RPS6KC1: variants seen among roughly 807,000 people sequenced by gnomAD.
RPS6KC1 encodes the protein ribosomal protein S6 kinase C1, also known as inactive ribosomal protein S6 kinase delta-1.
A neutral mutation model predicts 103.8 loss-of-function variants in RPS6KC1; 54 were observed. That is an observed-to-expected ratio of 0.52 (90% CI 0.42 to 0.65). RPS6KC1 has a LOEUF of 0.65. Among genes scored for constraint, RPS6KC1 ranks in the 30% least tolerant of loss-of-function variants. The pLI is 0.00. For missense variants in RPS6KC1, 1,151 were observed against 1,253.8 expected, an observed-to-expected ratio of 0.92 and a Z score of 1.24; for synonymous variants, 439 against 438.7, an observed-to-expected ratio of 1.00 and a Z score of -0.01.
chr1:213,069,470 A>G (rs545893281), intron 1 of RPS6KC1, among the ~76,000 whole-genome samples: 1 of 152,170 alleles, frequency 6.6e-6, no homozygotes, highest in East Asian at 1.9e-4. Context: ...CGTTTTATCG[A>G]TGAGATCAAA....
intron 8 of RPS6KC1, among the ~76,000 whole-genome samples, chr1:213,197,638 G>T (rs2093002119): frequency 6.6e-6 from 1 of 151,980 alleles, no homozygotes; most frequent in East Asian, 1.9e-4. Context: ...AAGTGCTGCT[G>T]GTTTGTGTAC....
the RPS6KC1 span, among the ~76,000 whole-genome samples, chr1:213,576,846 C>G: frequency 1.1e-4 from 17 of 152,272 alleles, no homozygotes; most frequent in African/African-American, 3.9e-4. Flanking sequence ...TTGAGCCAAA[C>G]AGTTAGTCAA....
chr1:213,247,246 G>A (rs2094468422), intron 12 of RPS6KC1, among the ~76,000 whole-genome samples: 1 of 152,080 alleles, frequency 6.6e-6, no homozygotes, highest in Non-Finnish European at 1.5e-5. Flanking sequence ...TCCTCTCTTA[G>A]GCAATTTCAC....
the RPS6KC1 span, among the ~76,000 whole-genome samples, chr1:213,548,213 G>A: frequency 6.6e-6 from 1 of 152,222 alleles, no homozygotes; most frequent in African/African-American, 2.4e-5. Context: ...TACAGATACT[G>A]TGTTGGGCAA....
At chr1:213,469,613 G>A in the RPS6KC1 span, among the ~76,000 whole-genome samples, 1 of 152,080 alleles carries the variant, frequency 6.6e-6, no homozygotes, top group Non-Finnish European at 1.5e-5. Context: ...CAGGCTCCTC[G>A]CTAGCCTTTC....
chr1:213,656,638 G>A, the RPS6KC1 span, among the ~76,000 whole-genome samples: 1 of 152,134 alleles, frequency 6.6e-6, no homozygotes, highest in Non-Finnish European at 1.5e-5. Context: ...GCCAGGACTG[G>A]GCTCCATTAC....
At chr1:213,498,452 CTTTTCTTTTA>C in the RPS6KC1 span, among the ~76,000 whole-genome samples, 2,007 of 151,562 alleles carry the variant, frequency 0.013, 44 homozygotes, top group African/African-American at 0.045. Flanking sequence ...GTTTTCTTTT[CTTTTCTTTTA>C]TTTTCTTTTT....
At chr1:213,681,482 G>C in the RPS6KC1 span, among the ~76,000 whole-genome samples, 1 of 149,190 alleles carries the variant, frequency 6.7e-6, no homozygotes, top group African/African-American at 2.5e-5. Context: ...CAGGAGGGAG[G>C]GAGAGAGAAG....
intron 10 of RPS6KC1, among the ~76,000 whole-genome samples, chr1:213,232,747 A>T (rs898478368): frequency 7.2e-5 from 11 of 152,194 alleles, no homozygotes; most frequent in African/African-American, 2.2e-4. Context: ...TTGGCATCAC[A>T]TATGGGTACA....
At chr1:213,510,447 A>G in the RPS6KC1 span, among the ~76,000 whole-genome samples, 2 of 152,172 alleles carry the variant, frequency 1.3e-5, no homozygotes, top group African/African-American at 2.4e-5. Flanking sequence ...CCATGGAGGT[A>G]TACTCTATAC....
At chr1:213,852,175 C>G in the RPS6KC1 span, among the ~76,000 whole-genome samples, 1 of 152,108 alleles carries the variant, frequency 6.6e-6, no homozygotes, top group Non-Finnish European at 1.5e-5. Context: ...CTATTTAAAT[C>G]ACTTCTGTGC....
At chr1:213,148,466 T>C (rs1033145514) in intron 6 of RPS6KC1, among the ~76,000 whole-genome samples, 1 of 152,222 alleles carries the variant, frequency 6.6e-6, no homozygotes, top group Non-Finnish European at 1.5e-5. Context: ...TCTGTTGATA[T>C]GAGGTTTCAC....
intron 1 of RPS6KC1, among the ~76,000 whole-genome samples, chr1:213,055,994 CTT>C (rs1028865196): frequency 2.0e-5 from 3 of 152,090 alleles, no homozygotes; most frequent in African/African-American, 7.2e-5. Context: ...AGGTTGAACT[CTT>C]GGGTTCAAGT....
At chr1:213,319,656 C>T in the RPS6KC1 span, among the ~76,000 whole-genome samples, 1 of 152,172 alleles carries the variant, frequency 6.6e-6, no homozygotes, top group African/African-American at 2.4e-5. Context: ...TTCATAATAA[C>T]TGAATTTAAC....
the RPS6KC1 span, among the ~76,000 whole-genome samples, chr1:213,845,569 T>C: frequency 3.3e-5 from 5 of 152,206 alleles, no homozygotes; most frequent in African/African-American, 4.8e-5. Flanking sequence ...TACTATGAAA[T>C]CCAAATAAGT....
the RPS6KC1 span, among the ~76,000 whole-genome samples, chr1:213,382,550 T>C: frequency 8.2e-6 from 1 of 122,282 alleles, no homozygotes; most frequent in Admixed American, 8.6e-5. Context: ...TTTTTTTTTT[T>C]TGAAGCGGTT....
chr1:213,116,732 T>C (rs1234626708), intron 4 of RPS6KC1, among the ~76,000 whole-genome samples: 1 of 151,922 alleles, frequency 6.6e-6, no homozygotes, highest in Non-Finnish European at 1.5e-5. Flanking sequence ...TCAGGAGCTC[T>C]TTTAGGGCAG....
chr1:213,675,738 A>G, the RPS6KC1 span, among the ~76,000 whole-genome samples: 1 of 152,108 alleles, frequency 6.6e-6, no homozygotes, highest in African/African-American at 2.4e-5. Flanking sequence ...TTAGCTGAGT[A>G]TGGTGGTGGG....
At chr1:213,150,948 C>A (rs563902099) in intron 6 of RPS6KC1, among the ~76,000 whole-genome samples, 7 of 149,968 alleles carry the variant, frequency 4.7e-5, no homozygotes, top group Admixed American at 1.3e-4. Context: ...GGGGGGCTGA[C>A]CCCCCCACCT....
Sources: allele counts gnomAD v4.1 joint callset (sites outside exome capture counted in the v4.1 genomes callset), GRCh38; gene constraint gnomAD v4.1.1; transcripts MANE v1.5; gene names NCBI Gene and HGNC (gene_info 2026-07-23, HGNC 2026-07-21).